The following NMNAT2 variants were observed in gnomAD, a reference collection of about 807,000 sequenced individuals.
NMNAT2 encodes the protein nicotinamide/nicotinic acid mononucleotide adenylyltransferase 2.
A neutral mutation model predicts 41.6 loss-of-function variants in NMNAT2; 11 were observed. That is an observed-to-expected ratio of 0.26 (90% CI 0.17 to 0.44). NMNAT2 has a LOEUF of 0.44. NMNAT2 is among the 20% of genes least tolerant of loss of function. The pLI, the probability that NMNAT2 is intolerant of heterozygous loss-of-function variation, is 1.00. For missense variants in NMNAT2, 288 were observed against 407.7 expected (o/e 0.71, Z 2.53); for synonymous variants, 148 against 151.2 (o/e 0.98, Z 0.16).
intron 1 of NMNAT2, among the ~76,000 whole-genome samples, chr1:183,403,734 T>A (rs1038978229): frequency 6.6e-6 from 1 of 152,060 alleles, no homozygotes; most frequent in African/African-American, 2.4e-5. Flanking sequence ...CAGCAGGGAG[T>A]TCTTTATTCA....
At chr1:183,333,126 C>A (rs1662618327) in intron 1 of NMNAT2, among the ~76,000 whole-genome samples, 1 of 152,130 alleles carries the variant, frequency 6.6e-6, no homozygotes, top group Non-Finnish European at 1.5e-5. Flanking sequence ...GGGGAAGGAA[C>A]AAAACCCAGG....
chr1:183,291,981 C>T (rs565485351), intron 3 of NMNAT2, among the ~76,000 whole-genome samples: 194 of 152,334 alleles, frequency 1.3e-3, no homozygotes, highest in Non-Finnish European at 2.1e-3. Context: ...CCGCCCACCC[C>T]GCTCTTCCTG....
At chr1:183,337,831 T>TAG (rs1257791454) in intron 1 of NMNAT2, among the ~76,000 whole-genome samples, 1 of 152,188 alleles carries the variant, frequency 6.6e-6, no homozygotes, top group Non-Finnish European at 1.5e-5. Context: ...TAGATGATTC[T>TAG]AGATGTCACA....
chr1:183,396,615 C>T (rs1399274709), intron 1 of NMNAT2, among the ~76,000 whole-genome samples: 5 of 152,258 alleles, frequency 3.3e-5, no homozygotes, highest in South Asian at 4.1e-4. Context: ...ACTGCACATA[C>T]GGACAGCCTG....
Position 183,338,475 on chromosome 1 carries a change from C to A in NMNAT2, c.86-44682G>T, listed in dbSNP as rs182225634. Among the ~76,000 whole-genome samples, 30 of 152,298 alleles carry A rather than the reference C, an allele frequency of 2.0e-4. No homozygotes were observed. In the East Asian group the frequency reaches 5.4e-3, roughly 27 times the overall value. On this transcript the variant is annotated intron_variant, in intron 1 of 10. Transcript: ENST00000287713. Reference sequence around the variant, plus strand: ...GGTTTTCACTTACTAGAGGTACAATCTTGAAGTGCTTAACCTCATGTTCTT... The same window carrying A: ...GGTTTTCACTTACTAGAGGTACAATATTGAAGTGCTTAACCTCATGTTCTT...
intron 1 of NMNAT2, among the ~76,000 whole-genome samples, chr1:183,386,295 A>T (rs979024179): frequency 2.0e-4 from 31 of 152,124 alleles, no homozygotes; most frequent in Admixed American, 3.3e-4. Context: ...GGTGTCCCCC[A>T]CCAAAAAAAA....
chr1:183,253,557 T>G (rs1023668499), intron 10 of NMNAT2, among the ~76,000 whole-genome samples: 5 of 152,156 alleles, frequency 3.3e-5, no homozygotes, highest in Non-Finnish European at 4.4e-5. Flanking sequence ...ATTTGCTACT[T>G]TGTATCCTTT....
intron 1 of NMNAT2, 116 bp downstream of exon 1, chr1:183,418,067 C>A: frequency 1.1e-6 from 1 of 939,404 alleles, no homozygotes; most frequent in African/African-American, 1.6e-5. Flanking sequence ...GCTGGATGAG[C>A]CGGCCCACCC....
chr1:183,302,571 A>T (rs1661884981), intron 1 of NMNAT2, among the ~76,000 whole-genome samples: 1 of 152,200 alleles, frequency 6.6e-6, no homozygotes, highest in African/African-American at 2.4e-5. Context: ...GCCCTTGAGC[A>T]CACTTTTCAA....
chr1:183,331,372 A>G (rs971700248), intron 1 of NMNAT2, among the ~76,000 whole-genome samples: 7 of 152,260 alleles, frequency 4.6e-5, no homozygotes, highest in African/African-American at 1.7e-4. Flanking sequence ...CGAGGCGTGA[A>G]GGAGAGAGGA....
intron 1 of NMNAT2, among the ~76,000 whole-genome samples, chr1:183,377,327 C>T (rs533323425): frequency 6.6e-6 from 1 of 152,170 alleles, no homozygotes; most frequent in African/African-American, 2.4e-5. Context: ...CCACCACCTC[C>T]ATGCTGTCAA....
intron 7 of NMNAT2, among the ~76,000 whole-genome samples, chr1:183,280,846 G>A (rs373414632): frequency 2.2e-4 from 27 of 122,684 alleles, no homozygotes; most frequent in Non-Finnish European, 3.0e-4. Context: ...GTGCAATGGC[G>A]TGATCTCCGG....
intron 1 of NMNAT2, among the ~76,000 whole-genome samples, chr1:183,389,468 T>C (rs1434302398): frequency 6.6e-6 from 1 of 152,108 alleles, no homozygotes; most frequent in African/African-American, 2.4e-5. Context: ...TCTCGCCACC[T>C]AGGTCTTCTC....
At chr1:183,327,050 G>GTATA (rs1662481216) in intron 1 of NMNAT2, among the ~76,000 whole-genome samples, 1 of 144,084 alleles carries the variant, frequency 6.9e-6, no homozygotes, top group Non-Finnish European at 1.5e-5. Flanking sequence ...ATGTATGTAT[G>GTATA]TATGTATGTA....
intron 1 of NMNAT2, among the ~76,000 whole-genome samples, chr1:183,383,627 C>T (rs1663851442): frequency 6.6e-6 from 1 of 152,180 alleles, no homozygotes; most frequent in Non-Finnish European, 1.5e-5. Flanking sequence ...ATTTCTTCCA[C>T]CAGATACCCT....
intron 7 of NMNAT2, among the ~76,000 whole-genome samples, chr1:183,279,172 G>T (rs1661198538): frequency 6.6e-6 from 1 of 152,140 alleles, no homozygotes; most frequent in African/African-American, 2.4e-5. Context: ...CCAGCAAAGG[G>T]CTTGAGAAGC....
At chr1:183,402,798 G>A (rs543757637) in intron 1 of NMNAT2, among the ~76,000 whole-genome samples, 3 of 152,096 alleles carry the variant, frequency 2.0e-5, no homozygotes, top group African/African-American at 7.2e-5. Context: ...TCCCTCTGGG[G>A]ATAATTCAAA....
chr1:183,376,449 A>T (rs984310055), intron 1 of NMNAT2, among the ~76,000 whole-genome samples: 1 of 152,188 alleles, frequency 6.6e-6, no homozygotes, highest in East Asian at 1.9e-4. Flanking sequence ...TGAGGAGTGG[A>T]AAAAATTGAC....
intron 1 of NMNAT2, among the ~76,000 whole-genome samples, chr1:183,334,162 G>C (rs1269418645): frequency 1.3e-5 from 2 of 152,110 alleles, no homozygotes; most frequent in Non-Finnish European, 2.9e-5. Context: ...TCTCTTTCGG[G>C]CTCAAGCAAT....
Sources: allele counts gnomAD v4.1 joint callset (sites outside exome capture counted in the v4.1 genomes callset), GRCh38; gene constraint gnomAD v4.1.1; transcripts MANE v1.5; gene names NCBI Gene and HGNC (gene_info 2026-07-23, HGNC 2026-07-21).